Variants in SUPT20H observed in about 807,000 individuals in gnomAD.
The protein encoded by SUPT20H is SPT20 homolog, SAGA complex component.
SUPT20H carries 82 observed loss-of-function variants against 122.8 expected under a neutral mutation model. The ratio of observed to expected loss-of-function variants is 0.67; its 90% confidence interval spans 0.56 to 0.80. The LOEUF (loss-of-function observed/expected upper bound fraction) is 0.80. SUPT20H is among the 30% of genes least tolerant of loss of function. The pLI is 0.00. For synonymous variants in SUPT20H, 291 were observed against 313.0 expected, an observed-to-expected ratio of 0.93 and a Z score of 0.74; for missense variants, 831 against 921.6, an observed-to-expected ratio of 0.90 and a Z score of 1.27.
intron 3 of SUPT20H, 68 bp from the exon 4 acceptor site, chr13:37,048,004 T>C (rs1411345486): frequency 4.2e-6 from 5 of 1,196,692 alleles, no homozygotes; most frequent in Non-Finnish European, 5.8e-6. Context: ...GTATTGAGTA[T>C]ATCTAAAACA....
intron 14 of SUPT20H, among the ~76,000 whole-genome samples, chr13:37,027,777 C>T (rs1444151437): frequency 6.6e-6 from 1 of 151,970 alleles, no homozygotes; most frequent in Non-Finnish European, 1.5e-5. Flanking sequence ...GCCAAAATAC[C>T]AAGCATCTTT....
At chr13:37,037,122 A>T (rs766066342) in intron 9 of SUPT20H, among the ~76,000 whole-genome samples, 14 of 150,618 alleles carry the variant, frequency 9.3e-5, no homozygotes, top group Non-Finnish European at 1.6e-4. Context: ...ACTTGAGCCT[A>T]GGAGGCAGAG....
rs143864275 is a variant in SUPT20H, at chr13:37,033,367, C to T, written c.707+82G>A. The T allele has an allele frequency of 7.2e-6, 11 of 1,526,964 alleles. No homozygotes were observed. In the African/African-American group the frequency reaches 9.6e-5, roughly 13 times the overall value. 94.6% of individuals were successfully genotyped at this position (1,526,964 alleles called of 1,614,324 possible). ...CCCCACCAAAATCGGAGCAACCATA[C>T]CCTGGAGGGAAAAGATACTATAAAT... is the stretch of plus-strand genomic sequence containing the variant. On this transcript the variant is annotated intron_variant, in intron 10 of 25. Transcript: ENST00000350612.
chr13:37,011,169 TCAA>T (rs2059563358), intron 24 of SUPT20H, among the ~76,000 whole-genome samples: 2 of 152,336 alleles, frequency 1.3e-5, no homozygotes, highest in South Asian at 4.1e-4. Flanking sequence ...AGTAATCAGT[TCAA>T]CACTCATTTT....
intron 24 of SUPT20H, among the ~76,000 whole-genome samples, chr13:37,011,881 A>G (rs530975741): frequency 1.3e-5 from 2 of 152,306 alleles, no homozygotes; most frequent in South Asian, 2.1e-4. Flanking sequence ...CAAAAAAGTT[A>G]TTAATTAAGA....
chr13:37,044,363 G>A (rs1206449589), intron 6 of SUPT20H, among the ~76,000 whole-genome samples, 182 bp from the exon 7 acceptor site: 4 of 151,424 alleles, frequency 2.6e-5, no homozygotes, highest in African/African-American at 9.7e-5. Flanking sequence ...CTTCTTAAGG[G>A]GGAAAAAAAA....
chr13:37,011,390 C>G (rs1465385631), intron 24 of SUPT20H, among the ~76,000 whole-genome samples: 1 of 152,152 alleles, frequency 6.6e-6, no homozygotes, highest in Non-Finnish European at 1.5e-5. Context: ...TTCACTACCT[C>G]TAAATTGGAA....
chr13:37,055,165 T>A (rs1170209642), intron 1 of SUPT20H, among the ~76,000 whole-genome samples: 1 of 152,172 alleles, frequency 6.6e-6, no homozygotes, highest in African/African-American at 2.4e-5. Flanking sequence ...GTAGGAAGAA[T>A]CAATATCGTG....
Position 37,012,216 on chromosome 13 carries a change from T to C in SUPT20H, c.2074A>G (p.Ser692Gly), listed in dbSNP as rs1216275810. Residue 692 changes from serine (S) to glycine (G), a missense_variant, in exon 24 of 26, where the codon AGT becomes GGT. Physicochemically the swap from Ser to Gly is moderately conservative, Grantham distance 56 (BLOSUM62 0). Coordinates refer to ENST00000350612, the MANE Select transcript of SUPT20H (RefSeq NM_001014286.3). ...CCAGCTGCCTGTGACTGCATAAAAC[T>C]TCCTACTCCAGTAAGGTTAATAACA... is the stretch of plus-strand genomic sequence containing the variant. Reference protein sequence around the residue: ...AAVINLTGVGSFMQSQAAVLS... With the variant: ...AAVINLTGVGGFMQSQAAVLS... The C allele has an allele frequency of 3.1e-6, 5 of 1,613,222 alleles. No individual in the cohort carries two copies. The highest frequency in any genetic ancestry group is 4.2e-6 in the Non-Finnish European group (5 of 1,179,394).
At chr13:37,036,327 G>GTT (rs35437054) in intron 9 of SUPT20H, among the ~76,000 whole-genome samples, 183 of 126,166 alleles carry the variant, frequency 1.5e-3, no homozygotes, top group Middle Eastern at 4.2e-3. Context: ...TTAAACTGGA[G>GTT]TTTTTTTTTT....
At chr13:37,051,728 T>C in intron 1 of SUPT20H, 145 bp from the exon 2 acceptor site, 1 of 405,442 alleles carries the variant, frequency 2.5e-6, no homozygotes, top group Non-Finnish European at 4.4e-6. Context: ...TAATAATGAG[T>C]AACAATAAAA....
At chr13:37,010,206 G>A (rs940270075) in intron 25 of SUPT20H, among the ~76,000 whole-genome samples, 2 of 151,990 alleles carry the variant, frequency 1.3e-5, no homozygotes, top group African/African-American at 4.8e-5. Flanking sequence ...AAATAAACAG[G>A]TATGACATTT....
chr13:37,051,707 A>G, intron 1 of SUPT20H, 124 bp from the exon 2 acceptor site: 1 of 432,602 alleles, frequency 2.3e-6, no homozygotes, highest in Non-Finnish European at 4.2e-6. Flanking sequence ...ACATATTTTT[A>G]AGACACTTTT....
rs751856122 is a variant in SUPT20H at position 37,022,117 on chromosome 13, T to G, written c.1592-37A>C. The G allele has an allele frequency of 4.3e-6, 7 of 1,614,102 alleles. No homozygotes were observed. The highest frequency in any genetic ancestry group is 5.9e-6 in the Non-Finnish European group (7 of 1,179,992). ...GATGTTACCATGGTGGAAAGAGGAA[T>G]GGTTGTTACAGGCATTGCCTGGCTC... On this transcript the variant is annotated intron_variant, in intron 19 of 25. Transcript: ENST00000350612. This position sits in a 1 kb window ranked among gnomAD's most constrained non-coding sequence, Gnocchi z 4.5.
intron 18 of SUPT20H, 23 bp from the exon 19 acceptor site, chr13:37,024,216 T>A (rs1566172868): frequency 6.3e-7 from 1 of 1,588,202 alleles, no homozygotes; most frequent in East Asian, 2.2e-5. Flanking sequence ...AAAAGTTATT[T>A]CCTAAATTTA....
intron 7 of SUPT20H, among the ~76,000 whole-genome samples, chr13:37,043,871 A>T (rs1246283780): frequency 2.0e-5 from 3 of 151,422 alleles, no homozygotes; most frequent in African/African-American, 7.3e-5. Context: ...AAGTGCTGGG[A>T]TTACAGGCAT....
At chr13:37,023,139 A>G in intron 19 of SUPT20H, 1 of 1,092,740 alleles carries the variant, frequency 9.2e-7, no homozygotes, top group Non-Finnish European at 1.2e-6. Context: ...ACCATAATCC[A>G]TACCCACAAC....
rs778717588 is a variant in SUPT20H, at chr13:37,022,188, G to A, written c.1592-108C>T. The A allele has an allele frequency of 6.2e-7, 1 of 1,609,928 alleles. No homozygotes were observed. Among genetic ancestry groups the A allele is most frequent in the South Asian group, 1.1e-5 (1 of 90,692 alleles). On this transcript the variant is annotated intron_variant, in intron 19 of 25. Coordinates refer to ENST00000350612, the MANE Select transcript of SUPT20H (RefSeq NM_001014286.3). The surrounding 1 kb of genome is among the most constrained non-coding windows in gnomAD (Gnocchi z 4.5). ...AAACTGAGTTAACAAAGTGGGCTGA[G>A]GGGTGAAGCCTGAATCTTGGGGAGT...
chr13:37,033,349 A>T, intron 10 of SUPT20H, 100 bp downstream of exon 10: 1 of 1,445,080 alleles, frequency 6.9e-7, no homozygotes, highest in Non-Finnish European at 9.3e-7. Context: ...CTTCCCCACC[A>T]AAATCGGAGC....
Sources: gnomAD v4.1 joint callset for allele counts (sites outside exome capture counted in the v4.1 genomes callset) on GRCh38, gnomAD v4.1.1 for gene constraint, Gnocchi (gnomAD v3.1) non-coding constraint, MANE v1.5 for transcripts, NCBI Gene and HGNC (gene_info 2026-07-23, HGNC 2026-07-21) for gene names.